The following ARRB1 variants were observed in gnomAD, a reference collection of about 807,000 sequenced individuals.
The protein encoded by ARRB1 is arrestin beta 1, also known as beta-arrestin-1.
A neutral mutation model predicts 56.8 loss-of-function variants in ARRB1; 21 were observed. That is an observed-to-expected ratio of 0.37 (90% confidence interval 0.26 to 0.53). The LOEUF is 0.53. Among genes scored for constraint, ARRB1 ranks in the 20% least tolerant of loss-of-function variants. The probability of loss-of-function intolerance (pLI) is 0.88; values close to 1 mark genes in which losing one functional copy is unlikely to be tolerated. For missense variants in ARRB1, 424 were observed against 553.7 expected, an observed-to-expected ratio of 0.77 and a Z score of 2.35; for synonymous variants, 210 against 218.6, an observed-to-expected ratio of 0.96 and a Z score of 0.35.
intron 1 of ARRB1, among the ~76,000 whole-genome samples, chr11:75,330,100 T>C (rs915294488): frequency 6.6e-6 from 1 of 152,052 alleles, no homozygotes; most frequent in African/African-American, 2.4e-5. Flanking sequence ...GAACGAACAA[T>C]CTGTCACTCA....
At chr11:75,314,903 A>G (rs1366130059) in intron 1 of ARRB1, among the ~76,000 whole-genome samples, 10 of 152,154 alleles carry the variant, frequency 6.6e-5, no homozygotes, top group Non-Finnish European at 1.3e-4. Context: ...CACCACGCCC[A>G]GCCAACAGTG....
At chr11:75,328,453 C>G (rs1341407239) in intron 1 of ARRB1, among the ~76,000 whole-genome samples, 2 of 152,322 alleles carry the variant, frequency 1.3e-5, no homozygotes, top group Admixed American at 1.3e-4. Context: ...AGTTGTTCAT[C>G]CCCATTCCCC....
At chr11:75,272,827 G>T in intron 12 of ARRB1, 68 bp downstream of exon 12, 2 of 1,513,550 alleles carry the variant, frequency 1.3e-6, no homozygotes, top group East Asian at 2.3e-5. Flanking sequence ...GAATGGGGCA[G>T]GGGCCTGTGG....
chr11:75,267,900 C>G lies in ARRB1; in HGVS notation c.1094-197G>C, dbSNP rs1430382226. On this transcript the variant is annotated intron_variant, in intron 14 of 15. Coordinates refer to ENST00000420843, the MANE Select transcript of ARRB1 (RefSeq NM_004041.5). ...CATCTGAAAGGCAGGGAGGATGGCA[C>G]CAGGAGGGCCCCGGATCCCCACTGC... Among the ~76,000 whole-genome samples the G allele has an allele frequency of 1.3e-5, 2 of 152,136 alleles. 1 individual carries two copies. Among genetic ancestry groups the G allele is most frequent in the Non-Finnish European group, 2.9e-5 (2 of 68,012 alleles).
chr11:75,291,047 A>T (rs1349425955), intron 1 of ARRB1, among the ~76,000 whole-genome samples: 2 of 152,210 alleles, frequency 1.3e-5, no homozygotes, highest in Admixed American at 1.3e-4. Context: ...ACAGCACTGC[A>T]ATCATTGTTT....
At chr11:75,300,969 A>AAAC (rs999680514) in intron 1 of ARRB1, among the ~76,000 whole-genome samples, 5 of 122,042 alleles carry the variant, frequency 4.1e-5, no homozygotes, top group Admixed American at 1.6e-4. Flanking sequence ...CTCCGTCTCA[A>AAAC]AAAAAAAAAA....
chr11:75,335,721 G>GCTGGAATCCTGGGC lies in ARRB1; in HGVS notation c.20+15853_20+15866dup, dbSNP rs951009968. On this transcript the variant is annotated intron_variant, in intron 1 of 15. Coordinates refer to ENST00000420843, the MANE Select transcript of ARRB1 (RefSeq NM_004041.5). ...CCCAAGAGGAGCCTTCCATGCCTGG[G>GCTGGAATCCTGGGC]CTGGAATCCTGGGCCTGGAATCCTG... Among the ~76,000 whole-genome samples, 5 of 152,276 alleles carry GCTGGAATCCTGGGC rather than the reference G, an allele frequency of 3.3e-5. No individual in the cohort carries two copies. The South Asian group carries it at 6.2e-4, about 19-fold the overall frequency.
At chr11:75,273,256 G>A (rs896386932) in intron 11 of ARRB1, among the ~76,000 whole-genome samples, 4 of 152,162 alleles carry the variant, frequency 2.6e-5, no homozygotes, top group African/African-American at 9.7e-5. Flanking sequence ...CGCCATGAGG[G>A]CCAGGCTCCT....
chr11:75,282,387 C>T (rs1351344088), intron 5 of ARRB1, among the ~76,000 whole-genome samples: 1 of 152,136 alleles, frequency 6.6e-6, no homozygotes, highest in East Asian at 1.9e-4. Flanking sequence ...AGATGGGGAC[C>T]GTATCCTGGA....
At chr11:75,304,726 A>AC (rs1946982779) in intron 1 of ARRB1, among the ~76,000 whole-genome samples, 1 of 149,634 alleles carries the variant, frequency 6.7e-6, no homozygotes, top group South Asian at 2.1e-4. Context: ...GTCCCCCCAA[A>AC]CCCCCCGCAA....
chr11:75,323,087 A>G (rs1947374114), intron 1 of ARRB1, among the ~76,000 whole-genome samples: 1 of 152,244 alleles, frequency 6.6e-6, no homozygotes, highest in Admixed American at 6.5e-5. Context: ...AAAACTGGAC[A>G]GATTCAGAGA....
intron 1 of ARRB1, among the ~76,000 whole-genome samples, chr11:75,323,932 G>C (rs893839574): frequency 6.6e-6 from 1 of 152,028 alleles, no homozygotes; most frequent in African/African-American, 2.4e-5. Flanking sequence ...TTAACGAATC[G>C]AGATACTACG....
intron 10 of ARRB1, among the ~76,000 whole-genome samples, chr11:75,275,167 G>C (rs1290536263): frequency 1.0e-4 from 2 of 19,372 alleles, no homozygotes; most frequent in African/African-American, 1.9e-4. Flanking sequence ...ATTTTTTTGA[G>C]ACAGAGTCTT....
At chr11:75,335,022 A>G (rs1473601532) in intron 1 of ARRB1, 1 of 169,620 alleles carries the variant, frequency 5.9e-6, no homozygotes, top group East Asian at 1.9e-4. Context: ...GCACATGGAC[A>G]CATTGCTAGG....
chr11:75,287,506 T>C, intron 2 of ARRB1, 131 bp from the exon 3 acceptor site: 1 of 862,738 alleles, frequency 1.2e-6, no homozygotes, highest in Non-Finnish European at 1.7e-6. Context: ...AAATCCTAAG[T>C]GGACTTGGGC....
chr11:75,303,711 G>A, intron 1 of ARRB1: 1 of 456,194 alleles, frequency 2.2e-6, no homozygotes, highest in Non-Finnish European at 4.4e-6. Flanking sequence ...CACAGTGGGA[G>A]GGTGGGAGGA....
chr11:75,306,785 C>G, intron 1 of ARRB1: 1 of 802,210 alleles, frequency 1.2e-6, no homozygotes, highest in South Asian at 1.8e-5. Context: ...CTCTCCTCCT[C>G]CGGGCTTCTC....
chr11:75,268,803 G>C, intron 14 of ARRB1, 86 bp downstream of exon 14: 2 of 1,455,324 alleles, frequency 1.4e-6, no homozygotes, highest in Non-Finnish European at 1.9e-6. Context: ...ACTGGGCTGA[G>C]GGCGAACCCG....
chr11:75,297,458 A>C (rs1367194401), intron 1 of ARRB1, among the ~76,000 whole-genome samples: 2 of 152,190 alleles, frequency 1.3e-5, no homozygotes, highest in Admixed American at 1.3e-4. Context: ...CAAAGGAGCC[A>C]AGGCAAGTCA....
Sources: gnomAD v4.1 joint callset for allele counts (sites outside exome capture counted in the v4.1 genomes callset) on GRCh38, gnomAD v4.1.1 for gene constraint, MANE v1.5 for transcripts, NCBI Gene and HGNC (gene_info 2026-07-23, HGNC 2026-07-21) for gene names.